The following ZNF106 variants were observed in gnomAD, a reference collection of about 807,000 sequenced individuals.
ZNF106 encodes zinc finger protein 106.
Under a neutral mutation model 195.1 loss-of-function variants are expected in ZNF106, and 67 were observed. The observed-to-expected ratio is 0.34, with a 90% CI of 0.28 to 0.42. The LOEUF (loss-of-function observed/expected upper bound fraction) is 0.42, where lower values mean the gene tolerates loss of function less well. Ranked by LOEUF, ZNF106 falls within the 10% of genes least tolerant of loss-of-function variation. The probability of loss-of-function intolerance (pLI) is 1.00; values close to 1 mark genes in which losing one functional copy is unlikely to be tolerated. For synonymous variants in ZNF106, 784 were observed against 818.6 expected, an observed-to-expected ratio of 0.96 and a Z score of 0.72; for missense variants, 2,118 against 2,304.5, an observed-to-expected ratio of 0.92 and a Z score of 1.66.
At position 42,421,995 on chromosome 15, in the gene ZNF106, C is replaced by CA; in HGVS notation, c.5374-8dup. ...CTTGTAATCGATCATGAGACTTAGGCAGAAAAAAAAAAAGAGAATTGAAGT... is the reference window on the plus strand; with the variant it reads ...CTTGTAATCGATCATGAGACTTAGGCAAGAAAAAAAAAAAGAGAATTGAAGT... On this transcript the variant is annotated splice_polypyrimidine_tract_variant and splice_region_variant and intron_variant, in intron 18 of 21. Transcript: ENST00000564754. 5.2e-6 allele frequency: 8 copies of CA among 1,538,184 alleles called. No individual in the cohort carries two copies. The Admixed American group carries it at 7.5e-5, about 14-fold the overall frequency.
chr15:42,476,859 TTAATAA>T (rs911055278), intron 1 of ZNF106, among the ~76,000 whole-genome samples: 1 of 152,180 alleles, frequency 6.6e-6, no homozygotes, highest in African/African-American at 2.4e-5. Flanking sequence ...TAAGATTTCC[TTAATAA>T]TAATATCTTT....
At chr15:42,456,359 T>G (rs1378813981) in intron 4 of ZNF106, among the ~76,000 whole-genome samples, 1 of 152,192 alleles carries the variant, frequency 6.6e-6, no homozygotes, top group Non-Finnish European at 1.5e-5. Flanking sequence ...TCAAAAGATT[T>G]GGATACTGGA....
rs755479111 is a variant in ZNF106 at position 42,437,321 on chromosome 15, G to T, written c.4657C>A (p.His1553Asn). Reference sequence around the variant, plus strand: ...TGAATTGCATTTACGGCAGCTTGGTGTCCCTCAAAGCTTCCTTCTGTGGGT... The same window carrying T: ...TGAATTGCATTTACGGCAGCTTGGTTTCCCTCAAAGCTTCCTTCTGTGGGT... Reference protein sequence around the residue: ...DEPTEGSFEGHQAAVNAIQIF... With the variant: ...DEPTEGSFEGNQAAVNAIQIF... The change falls in exon 13 of 22, where the codon CAC becomes AAC. Residue 1553 changes from histidine to asparagine, a missense_variant. Transcript: ENST00000564754. The T allele has an allele frequency of 1.9e-6, 3 of 1,614,162 alleles. No individual in the cohort carries two copies. The highest frequency in any genetic ancestry group is 2.5e-6 in the Non-Finnish European group (3 of 1,180,020).
chr15:42,476,264 A>G (rs2056783525), intron 1 of ZNF106, among the ~76,000 whole-genome samples: 1 of 152,198 alleles, frequency 6.6e-6, no homozygotes, highest in South Asian at 2.1e-4. Flanking sequence ...ATATTCTTAA[A>G]TTGGGTAAAT....
At chr15:42,476,985 G>C (rs1173422094) in intron 1 of ZNF106, among the ~76,000 whole-genome samples, 1 of 152,108 alleles carries the variant, frequency 6.6e-6, no homozygotes, top group Non-Finnish European at 1.5e-5. Context: ...ACTATTAGTA[G>C]TTAAGTTTTT....
At chr15:42,442,006 T>A in intron 10 of ZNF106, 67 bp downstream of exon 10, 1 of 1,285,238 alleles carries the variant, frequency 7.8e-7, no homozygotes, top group Non-Finnish European at 1.1e-6. Flanking sequence ...ATGGCTTATA[T>A]CACTCATATA....
Position 42,437,270 on chromosome 15 carries a change from A to C in ZNF106, c.4708T>G (p.Cys1570Gly). 6.2e-7 allele frequency: 1 copy of C among 1,613,972 alleles called. No individual in the cohort carries two copies. Among genetic ancestry groups the C allele is most frequent in the Non-Finnish European group, 8.5e-7 (1 of 1,179,944 alleles). Residue 1570 changes from cysteine to glycine, a missense_variant, in exon 13 of 22, where the codon TGT (cysteine) becomes GGT (glycine). By Grantham distance (159) the Cys-to-Gly change is radical. Coordinates refer to ENST00000564754, the MANE Select transcript of ZNF106 (RefSeq NM_001366845.3). ...ACCCGAACAGTTTTATCTGCTGAAC[A>C]GGTATATAGCAAGTTCCCAAATATC... Reference protein sequence around the residue: ...IQIFGNLLYTCSADKTVRVYN... With the variant: ...IQIFGNLLYTGSADKTVRVYN...
intron 4 of ZNF106, among the ~76,000 whole-genome samples, chr15:42,455,125 A>G (rs1337906656): frequency 2.0e-5 from 3 of 152,218 alleles, no homozygotes; most frequent in African/African-American, 7.2e-5. Context: ...AACTATATTA[A>G]AAGTAATGAA....
intron 20 of ZNF106, among the ~76,000 whole-genome samples, chr15:42,418,807 C>T (rs780630303): frequency 6.6e-6 from 1 of 152,078 alleles, no homozygotes; most frequent in African/African-American, 2.4e-5. Context: ...GGAAGCCTGA[C>T]TTTACTCACA....
intron 18 of ZNF106, 108 bp from the exon 19 acceptor site, chr15:42,422,096 G>T: frequency 1.2e-6 from 1 of 809,706 alleles, no homozygotes; most frequent in Non-Finnish European, 1.8e-6. Context: ...GAGGCGCCAA[G>T]TGGAAGCACC....
Position 42,486,247 on chromosome 15 carries a change from C to G in ZNF106, c.-33+4733G>C, listed in dbSNP as rs149384328. Among the ~76,000 whole-genome samples, 370 of 151,794 alleles carry G rather than the reference C, an allele frequency of 2.4e-3. 17 individuals carry two copies. In the East Asian group the frequency reaches 0.068, roughly 28 times the overall value. On this transcript the variant is annotated intron_variant, in intron 1 of 21. Coordinates refer to ENST00000564754, the MANE Select transcript of ZNF106 (RefSeq NM_001366845.3). ...TGCTGGGACTACAGGCGTGAGCCAC[C>G]GCGCCCAGCCCTTCTTTTTTTTTTC...
At chr15:42,446,489 A>C in intron 7 of ZNF106, 100 bp downstream of exon 7, 2 of 854,320 alleles carry the variant, frequency 2.3e-6, no homozygotes, top group Non-Finnish European at 3.8e-6. Context: ...AGAGAAGAGG[A>C]TTGCTTGAGC....
chr15:42,458,376 T>C (rs1373552834), intron 3 of ZNF106, among the ~76,000 whole-genome samples: 1 of 149,804 alleles, frequency 6.7e-6, no homozygotes, highest in African/African-American at 2.5e-5. Flanking sequence ...AGAGGACAGT[T>C]ACTGTTACAG....
At chr15:42,489,527 T>C (rs927231286) in intron 1 of ZNF106, among the ~76,000 whole-genome samples, 2 of 152,138 alleles carry the variant, frequency 1.3e-5, no homozygotes, top group African/African-American at 4.8e-5. Flanking sequence ...GTATTTCTAA[T>C]TAAAGGGCTC....
chr15:42,429,055 A>G (rs1005361541), intron 14 of ZNF106, among the ~76,000 whole-genome samples: 1 of 151,518 alleles, frequency 6.6e-6, no homozygotes, highest in African/African-American at 2.4e-5. Flanking sequence ...GCCCGGCCAG[A>G]AAACGATTTC....
chr15:42,445,054 A>C (rs1474699303), intron 7 of ZNF106, 73 bp from the exon 8 acceptor site: 3 of 1,534,992 alleles, frequency 2.0e-6, no homozygotes, highest in Non-Finnish European at 2.7e-6. Flanking sequence ...AGAAGACTAA[A>C]CTATACCCAT....
chr15:42,480,450 T>C (rs2056875776), intron 1 of ZNF106, among the ~76,000 whole-genome samples: 1 of 152,246 alleles, frequency 6.6e-6, no homozygotes, highest in African/African-American at 2.4e-5. Context: ...TAAATCAGTG[T>C]ATATTTCATT....
chr15:42,456,681 C>T (rs577673819), intron 4 of ZNF106, among the ~76,000 whole-genome samples: 1 of 151,518 alleles, frequency 6.6e-6, no homozygotes, highest in Admixed American at 6.6e-5. Flanking sequence ...GATTTGGATA[C>T]CAATAAAGCC....
intron 2 of ZNF106, among the ~76,000 whole-genome samples, chr15:42,470,346 T>C (rs560931678): frequency 3.3e-4 from 51 of 152,284 alleles, no homozygotes; most frequent in African/African-American, 1.2e-3. Context: ...TCAACACCAA[T>C]TGTTCATAGT....
Sources: allele counts gnomAD v4.1 joint callset (sites outside exome capture counted in the v4.1 genomes callset), GRCh38; gene constraint gnomAD v4.1.1; transcripts MANE v1.5; gene names NCBI Gene and HGNC (gene_info 2026-07-23, HGNC 2026-07-21).